The following CWC27 variants were observed in gnomAD, a reference collection of about 807,000 sequenced individuals.
CWC27 encodes the protein CWC27 spliceosome associated cyclophilin, also known as spliceosome-associated protein CWC27 homolog.
CWC27 carries 47 observed loss-of-function variants against 63.6 expected under a neutral mutation model. The observed-to-expected ratio is 0.74, with a 90% confidence interval of 0.58 to 0.94. The LOEUF is 0.94. CWC27 is among the 40% of genes least tolerant of loss of function. The pLI is 0.00. For missense variants in CWC27, 495 were observed against 554.3 expected (o/e 0.89, Z 1.07); for synonymous variants, 175 against 179.8 (o/e 0.97, Z 0.22).
At chr5:64,852,282 C>T (rs915539392) in intron 10 of CWC27, among the ~76,000 whole-genome samples, 5 of 152,122 alleles carry the variant, frequency 3.3e-5, no homozygotes, top group Admixed American at 2.0e-4. Flanking sequence ...AGGTTGTATA[C>T]ATACTGAATG....
chr5:64,930,440 A>T lies in CWC27; in HGVS notation c.1043-41263A>T, dbSNP rs564587974. 5.3e-5 allele frequency among the ~76,000 whole-genome samples: 8 copies of T among 152,300 alleles called. No homozygotes were observed. In the South Asian group the frequency reaches 6.2e-4, roughly 12 times the overall value. On this transcript the variant is annotated intron_variant, in intron 11 of 13. Transcript: ENST00000381070. ...AACAATCATTGAAACCAATAAAAAA[A>T]ATTTGAACTATTGGGTAGAAAAATA...
intron 10 of CWC27, among the ~76,000 whole-genome samples, chr5:64,831,643 T>C (rs773470505): frequency 4.6e-5 from 7 of 151,924 alleles, no homozygotes; most frequent in South Asian, 2.1e-4. Context: ...GACAAAATTA[T>C]CTATACACCA....
At chr5:65,012,786 G>C (rs1169511319) in intron 13 of CWC27, among the ~76,000 whole-genome samples, 1 of 152,198 alleles carries the variant, frequency 6.6e-6, no homozygotes, top group Non-Finnish European at 1.5e-5. Context: ...AAGGGGCAAG[G>C]ACAAAGGGCT....
chr5:64,863,091 T>C (rs1746450924), intron 10 of CWC27, among the ~76,000 whole-genome samples: 1 of 152,196 alleles, frequency 6.6e-6, no homozygotes, highest in African/African-American at 2.4e-5. Flanking sequence ...TCCTACCCTT[T>C]TAATTTTTCT....
intron 10 of CWC27, among the ~76,000 whole-genome samples, chr5:64,869,732 C>G (rs1746616802): frequency 6.6e-6 from 1 of 151,954 alleles, no homozygotes. Context: ...TTACAAAAGT[C>G]AAGAAACACA....
chr5:64,816,655 CTA>C (rs1032997864), intron 10 of CWC27, among the ~76,000 whole-genome samples: 1 of 152,034 alleles, frequency 6.6e-6, no homozygotes, highest in African/African-American at 2.4e-5. Context: ...TGGACATTTC[CTA>C]TATGAGATAA....
intron 11 of CWC27, among the ~76,000 whole-genome samples, chr5:64,948,412 A>G (rs1166197983): frequency 6.6e-6 from 1 of 151,976 alleles, no homozygotes. Flanking sequence ...TCAACCTTAT[A>G]TATACAGTTT....
At chr5:64,785,685 A>T in intron 5 of CWC27, 106 bp downstream of exon 5, 2 of 610,596 alleles carry the variant, frequency 3.3e-6, no homozygotes, top group Non-Finnish European at 2.8e-6. Flanking sequence ...CTATGTTAAC[A>T]TCACAACTCA....
chr5:64,908,290 G>A (rs1747705626), intron 11 of CWC27, among the ~76,000 whole-genome samples: 1 of 152,158 alleles, frequency 6.6e-6, no homozygotes, highest in Non-Finnish European at 1.5e-5. Context: ...TTGCTGAGGA[G>A]TGCTTTACTT....
intron 7 of CWC27, among the ~76,000 whole-genome samples, chr5:64,797,880 T>C (rs761127001): frequency 1.3e-5 from 2 of 152,148 alleles, no homozygotes; most frequent in African/African-American, 4.8e-5. Flanking sequence ...TACTTAGAGA[T>C]CTGAATTCTA....
chr5:64,888,647 A>G (rs1747137979), intron 11 of CWC27, among the ~76,000 whole-genome samples: 2 of 151,298 alleles, frequency 1.3e-5, no homozygotes, highest in South Asian at 4.1e-4. Context: ...TGTAAATAAC[A>G]GAAGAGAAAG....
At position 64,946,781 on chromosome 5, in the gene CWC27, G is replaced by T. The variant is rs191497322; in HGVS notation, c.1043-24922G>T. Among the ~76,000 whole-genome samples the T allele has an allele frequency of 2.2e-4, 34 of 151,388 alleles. No individual in the cohort carries two copies. In the East Asian group the frequency reaches 6.4e-3, roughly 28 times the overall value. ...TTCTTTTCCATGTGCTTTTTATATT[G>T]GCATCCTAGGTTAAAGGTGATTTTT... On this transcript the variant is annotated intron_variant, in intron 11 of 13. Transcript: ENST00000381070.
chr5:64,927,053 C>T (rs1275112105), intron 11 of CWC27, among the ~76,000 whole-genome samples: 1 of 152,018 alleles, frequency 6.6e-6, no homozygotes, highest in Non-Finnish European at 1.5e-5. Flanking sequence ...CCAGATTTAC[C>T]ATGTGCTATA....
chr5:64,850,706 A>G (rs746047841), intron 10 of CWC27, among the ~76,000 whole-genome samples: 3 of 152,168 alleles, frequency 2.0e-5, no homozygotes, highest in Non-Finnish European at 4.4e-5. Context: ...AGCTCAAACA[A>G]CTTAATAGCA....
chr5:64,771,048 C>A (rs1033934663), intron 1 of CWC27, among the ~76,000 whole-genome samples: 15 of 152,236 alleles, frequency 9.9e-5, no homozygotes, highest in Admixed American at 3.9e-4. Flanking sequence ...AATAATCATG[C>A]AAATAAATGT....
At chr5:64,879,509 A>C (rs17202074) in intron 10 of CWC27, among the ~76,000 whole-genome samples, 55,213 of 151,654 alleles carry the variant, frequency 0.36, 10,651 homozygotes, top group East Asian at 0.51. Flanking sequence ...GCAGAGAAAG[A>C]ATATCAAAGA....
At chr5:64,945,125 T>C (rs1748564624) in intron 11 of CWC27, among the ~76,000 whole-genome samples, 1 of 152,162 alleles carries the variant, frequency 6.6e-6, no homozygotes, top group Admixed American at 6.6e-5. Context: ...TTCACATGGC[T>C]CATTCCCTTA....
intron 11 of CWC27, among the ~76,000 whole-genome samples, chr5:64,909,013 G>A (rs888329771): frequency 1.3e-5 from 2 of 152,106 alleles, no homozygotes; most frequent in Non-Finnish European, 2.9e-5. Context: ...TTTTTGCAGT[G>A]GCTGGTACCG....
intron 11 of CWC27, among the ~76,000 whole-genome samples, chr5:64,930,575 T>C (rs1208373689): frequency 2.0e-5 from 3 of 152,068 alleles, no homozygotes; most frequent in Admixed American, 6.6e-5. Context: ...AGTGGTGGAA[T>C]TGGAAAATCA....
Sources: allele counts gnomAD v4.1 joint callset (sites outside exome capture counted in the v4.1 genomes callset), GRCh38; gene constraint gnomAD v4.1.1; transcripts MANE v1.5; gene names NCBI Gene and HGNC (gene_info 2026-07-23, HGNC 2026-07-21).